The following CHKA variants were observed in gnomAD, a reference collection of about 807,000 sequenced individuals.
The protein encoded by CHKA is CHETK-alpha.
Under a neutral mutation model 60.1 loss-of-function variants are expected in CHKA, and 34 were observed. That is an observed-to-expected ratio of 0.57 (90% CI 0.43 to 0.75). The LOEUF (loss-of-function observed/expected upper bound fraction) is 0.75. Ranked by LOEUF, CHKA falls within the 30% of genes least tolerant of loss-of-function variation. The probability of loss-of-function intolerance (pLI) is 0.00; values close to 1 mark genes in which losing one functional copy is unlikely to be tolerated. For synonymous variants in CHKA, 217 were observed against 223.1 expected, an observed-to-expected ratio of 0.97 and a Z score of 0.24; for missense variants, 563 against 561.3, an observed-to-expected ratio of 1.00 and a Z score of -0.03.
At chr11:68,102,982 A>AT (rs553409718) in intron 1 of CHKA, among the ~76,000 whole-genome samples, 183 of 151,156 alleles carry the variant, frequency 1.2e-3, no homozygotes, top group African/African-American at 4.1e-3. Flanking sequence ...TAAAAAAAAA[A>AT]AAATATATTT....
intron 2 of CHKA, among the ~76,000 whole-genome samples, chr11:68,086,746 G>A (rs1231460238): frequency 2.0e-5 from 3 of 152,254 alleles, no homozygotes; most frequent in African/African-American, 7.2e-5. Context: ...CCAACACTTT[G>A]GGAGGCCAAG....
intron 1 of CHKA, among the ~76,000 whole-genome samples, chr11:68,112,811 G>A (rs1347380227): frequency 2.0e-5 from 3 of 152,044 alleles, no homozygotes; most frequent in Non-Finnish European, 2.9e-5. Flanking sequence ...TGCCTGGCAC[G>A]GTGGTTCATG....
intron 3 of CHKA, among the ~76,000 whole-genome samples, chr11:68,077,848 G>C (rs1036076935): frequency 2.6e-5 from 4 of 152,144 alleles, no homozygotes; most frequent in African/African-American, 9.7e-5. Context: ...AGCCACAGCA[G>C]CCCCATGGGA....
chr11:68,078,353 G>T (rs1856858896), intron 3 of CHKA, among the ~76,000 whole-genome samples: 1 of 152,238 alleles, frequency 6.6e-6, no homozygotes, highest in Non-Finnish European at 1.5e-5. Context: ...AGAAGGCAAG[G>T]TGAGGCAGGC....
intron 7 of CHKA, among the ~76,000 whole-genome samples, chr11:68,067,110 G>C (rs2134523700): frequency 6.6e-6 from 1 of 152,314 alleles, no homozygotes; most frequent in African/African-American, 2.4e-5. Flanking sequence ...TCAGCCATCA[G>C]CCTGGCTCTG....
Position 68,121,159 on chromosome 11 carries a change from TG to T in CHKA, c.18del (p.Cys6Ter). 8.3e-7 allele frequency: 1 copy of T among 1,205,720 alleles called. No homozygotes were observed. The highest frequency in any genetic ancestry group is 2.1e-5 in the South Asian group (1 of 48,278). 74.7% of individuals were successfully genotyped at this position (1,205,720 alleles called of 1,614,324 possible). On this transcript the variant is annotated frameshift_variant, in exon 1 of 12. Coordinates refer to ENST00000265689, the MANE Select transcript of CHKA (RefSeq NM_001277.3). LOFTEE classifies it high-confidence loss of function. ...GGCGAGGGCTCCGCCTCGCCCCCGG[TG>T]CAGAATTTGGTTTTCATGCCCGACA... MKTKF[C>X]TGGEAEPSPL...
chr11:68,085,842 C>A (rs1415315276), intron 2 of CHKA, among the ~76,000 whole-genome samples: 1 of 152,114 alleles, frequency 6.6e-6, no homozygotes, highest in African/African-American at 2.4e-5. Flanking sequence ...CAGCTCACTG[C>A]AACCTCCACC....
Position 68,061,981 on chromosome 11 carries a change from T to C in CHKA, c.1286A>G (p.Lys429Arg). Residue 429 changes from lysine (K) to arginine (R), a missense_variant, in exon 11 of 12, where the codon AAG becomes AGG. Transcript: ENST00000265689. ...GTACCCAAATTCAATAGATGAAATC[T>C]TGGCTTGTACAATGGACCACAGTCC... ...LWGLWSIVQA[K>R]ISSIEFGYMD... 1 of 1,597,494 alleles carries C rather than the reference T, an allele frequency of 6.3e-7. No homozygotes were observed. The highest frequency in any genetic ancestry group is 8.5e-7 in the Non-Finnish European group (1 of 1,171,684).
Position 68,053,913 on chromosome 11 carries a change from G to C in CHKA, c.*75C>G. On this transcript the variant is annotated 3_prime_UTR_variant, in exon 12 of 12. Coordinates refer to ENST00000265689, the MANE Select transcript of CHKA (RefSeq NM_001277.3). ...GCCTCCTGCCACAGGAGCAGTAGTC[G>C]AAGCACAGAGGGGACCCCGCTCTGC... is the stretch of plus-strand genomic sequence containing the variant. The C allele has an allele frequency of 7.7e-7, 1 of 1,299,580 alleles. No homozygotes were observed. The highest frequency in any genetic ancestry group is 1.1e-6 in the Non-Finnish European group (1 of 905,226). The allele number at this position is 1,299,580 out of a possible 1,614,324, so 80.5% of individuals were successfully genotyped here. A position where few individuals can be genotyped will look rare whatever the true frequency, so the allele number is the denominator to read the frequency against.
chr11:68,098,945 A>G (rs1319770564), intron 1 of CHKA, among the ~76,000 whole-genome samples: 1 of 152,160 alleles, frequency 6.6e-6, no homozygotes, highest in African/African-American at 2.4e-5. Context: ...TCGGCCTCCC[A>G]AAGTGCTAGA....
chr11:68,097,917 C>T (rs975782647), intron 1 of CHKA, among the ~76,000 whole-genome samples: 4 of 152,172 alleles, frequency 2.6e-5, no homozygotes, highest in African/African-American at 9.6e-5. Flanking sequence ...TTGTAACTAA[C>T]CATGAAGAGT....
At chr11:68,111,805 G>C (rs1464601567) in intron 1 of CHKA, among the ~76,000 whole-genome samples, 1 of 152,022 alleles carries the variant, frequency 6.6e-6, no homozygotes, top group Non-Finnish European at 1.5e-5. Flanking sequence ...TGTAATCCCA[G>C]CACTTTGGGA....
intron 2 of CHKA, among the ~76,000 whole-genome samples, chr11:68,086,761 G>A (rs1436219022): frequency 1.3e-5 from 2 of 152,238 alleles, no homozygotes; most frequent in African/African-American, 4.8e-5. Flanking sequence ...GCCAAGATGG[G>A]CGGATCACGA....
chr11:68,084,401 C>A (rs1214415274), intron 2 of CHKA, among the ~76,000 whole-genome samples: 6 of 85,982 alleles, frequency 7.0e-5, no homozygotes, highest in Non-Finnish European at 1.1e-4. Flanking sequence ...CACACATATA[C>A]GTATATATGT....
At chr11:68,116,904 A>G (rs1419947670) in intron 1 of CHKA, among the ~76,000 whole-genome samples, 1 of 152,110 alleles carries the variant, frequency 6.6e-6, no homozygotes, top group Non-Finnish European at 1.5e-5. Flanking sequence ...AGTTGAAGAG[A>G]CTCAGACAAG....
intron 8 of CHKA, among the ~76,000 whole-genome samples, chr11:68,066,203 G>C (rs1856438502): frequency 6.6e-6 from 1 of 152,216 alleles, no homozygotes; most frequent in African/African-American, 2.4e-5. Flanking sequence ...AGTCTGGACT[G>C]AATGGCATGG....
intron 1 of CHKA, among the ~76,000 whole-genome samples, chr11:68,116,211 T>G (rs982727267): frequency 5.9e-5 from 9 of 152,342 alleles, no homozygotes; most frequent in Middle Eastern, 3.4e-3. Context: ...TCATGAAATC[T>G]TGTATCCTTC....
chr11:68,120,542 G>A (rs138514575), intron 1 of CHKA, among the ~76,000 whole-genome samples: 4 of 152,348 alleles, frequency 2.6e-5, no homozygotes, highest in African/African-American at 7.2e-5. Context: ...GTGATGGAAC[G>A]GTATTGTTCT....
chr11:68,080,788 C>T (rs1231279440), intron 3 of CHKA, among the ~76,000 whole-genome samples: 1 of 152,226 alleles, frequency 6.6e-6, no homozygotes, highest in Admixed American at 6.5e-5. Context: ...GGCAGAGATG[C>T]TCAAAAGGTG....
Sources: gnomAD v4.1 joint callset for allele counts (sites outside exome capture counted in the v4.1 genomes callset) on GRCh38, gnomAD v4.1.1 for gene constraint, MANE v1.5 for transcripts, NCBI Gene and HGNC (gene_info 2026-07-23, HGNC 2026-07-21) for gene names.